The following KCNH5 variants were observed in gnomAD, a reference collection of about 807,000 sequenced individuals.
The protein encoded by KCNH5 is voltage-gated delayed rectifier potassium channel KCNH5.
In KCNH5, 46 loss-of-function variants were observed where a neutral mutation model predicts 96.1. That is an observed-to-expected ratio of 0.48 (90% CI 0.38 to 0.61). The LOEUF is 0.61. Among genes scored for constraint, KCNH5 ranks in the 20% least tolerant of loss-of-function variants. KCNH5 has a pLI of 0.00. For missense variants in KCNH5, 907 were observed against 1,225.8 expected, an observed-to-expected ratio of 0.74 and a Z score of 3.88; for synonymous variants, 439 against 449.8, an observed-to-expected ratio of 0.98 and a Z score of 0.30.
intron 1 of KCNH5, among the ~76,000 whole-genome samples, chr14:63,040,638 T>C (rs147815148): frequency 0.013 from 2,035 of 152,230 alleles, 51 homozygotes; most frequent in African/African-American, 0.047. Flanking sequence ...TAATGTCCAT[T>C]TGTTTTCCAT....
intron 10 of KCNH5, among the ~76,000 whole-genome samples, chr14:62,760,842 G>T (rs1020874686): frequency 3.9e-5 from 6 of 152,192 alleles, no homozygotes; most frequent in African/African-American, 1.4e-4. Flanking sequence ...TTGCAGCAAG[G>T]CAGATGTTAT....
chr14:62,945,351 C>T lies in KCNH5; in HGVS notation c.1369+4782G>A, dbSNP rs182326717. Among the ~76,000 whole-genome samples, 38 of 152,196 alleles carry T rather than the reference C, an allele frequency of 2.5e-4. No individual in the cohort carries two copies. The South Asian group carries it at 7.3e-3, about 29-fold the overall frequency. Reference sequence around the variant, plus strand: ...CTTACCAGGCCTTTCACAAAGGAATCGGGGTCAAAGCTCTAACACCCTGCA... The same window carrying T: ...CTTACCAGGCCTTTCACAAAGGAATTGGGGTCAAAGCTCTAACACCCTGCA... On this transcript the variant is annotated intron_variant, in intron 7 of 10. Coordinates refer to ENST00000322893, the MANE Select transcript of KCNH5 (RefSeq NM_139318.5).
chr14:62,867,731 C>T (rs1888162404), intron 7 of KCNH5, among the ~76,000 whole-genome samples: 1 of 152,142 alleles, frequency 6.6e-6, no homozygotes, highest in South Asian at 2.1e-4. Flanking sequence ...AAATTCATCT[C>T]TAACCCTCTC....
intron 1 of KCNH5, among the ~76,000 whole-genome samples, chr14:63,022,125 T>G (rs757186599): frequency 5.3e-5 from 8 of 152,206 alleles, no homozygotes; most frequent in Non-Finnish European, 1.0e-4. Context: ...GACTTTTTAC[T>G]CCTTCAAATT....
chr14:62,983,565 C>T (rs1452504082), intron 5 of KCNH5, among the ~76,000 whole-genome samples: 5 of 151,994 alleles, frequency 3.3e-5, no homozygotes, highest in African/African-American at 1.2e-4. Context: ...GTTGTGGGGC[C>T]CTGGACACTG....
chr14:62,871,264 T>C (rs1287050961), intron 7 of KCNH5, among the ~76,000 whole-genome samples: 3 of 152,160 alleles, frequency 2.0e-5, no homozygotes, highest in Non-Finnish European at 4.4e-5. Flanking sequence ...AGTTAAACAA[T>C]TTCTGTTCAG....
At chr14:62,906,157 T>C (rs1235561195) in intron 7 of KCNH5, among the ~76,000 whole-genome samples, 1 of 152,246 alleles carries the variant, frequency 6.6e-6, no homozygotes, top group African/African-American at 2.4e-5. Context: ...TATTAGGTGT[T>C]AGACACCATG....
intron 8 of KCNH5, among the ~76,000 whole-genome samples, chr14:62,813,181 G>GT (rs1293482347): frequency 2.0e-5 from 3 of 152,144 alleles, no homozygotes; most frequent in Non-Finnish European, 4.4e-5. Flanking sequence ...GTGTATGAGA[G>GT]TATGTTGCAT....
chr14:63,007,833 C>T (rs1891154838), intron 2 of KCNH5, among the ~76,000 whole-genome samples: 1 of 152,084 alleles, frequency 6.6e-6, no homozygotes, highest in Admixed American at 6.5e-5. Context: ...GAGGAACATA[C>T]AAAACATAGA....
chr14:62,744,744 ACC>A (rs1803126372), intron 10 of KCNH5, among the ~76,000 whole-genome samples: 1 of 152,172 alleles, frequency 6.6e-6, no homozygotes, highest in South Asian at 2.1e-4. Flanking sequence ...ACGGTCAGAA[ACC>A]ATGATTGTTC....
At chr14:62,831,435 G>A (rs922315686) in intron 8 of KCNH5, among the ~76,000 whole-genome samples, 1 of 152,126 alleles carries the variant, frequency 6.6e-6, no homozygotes, top group Admixed American at 6.6e-5. Flanking sequence ...GAAATCCAGA[G>A]GTAAGCACTG....
chr14:62,702,337 G>C lies in KCNH5; in HGVS notation c.*5171C>G, dbSNP rs575374604. ...CAAACATTTACATTCACATTATCGA[G>C]TGCAATTTTTAAGAATTATTTTAAG... On this transcript the variant is annotated 3_prime_UTR_variant, in exon 11 of 11. Transcript: ENST00000322893. 1 of 151,988 alleles carries C rather than the reference G, an allele frequency of 6.6e-6. No homozygotes were observed. Among genetic ancestry groups the C allele is most frequent in the Non-Finnish European group, 1.5e-5 (1 of 67,908 alleles). 9.4% of individuals were successfully genotyped at this position (151,988 alleles called of 1,614,324 possible).
chr14:62,893,974 T>G (rs1888761089), intron 7 of KCNH5, among the ~76,000 whole-genome samples: 1 of 152,194 alleles, frequency 6.6e-6, no homozygotes, highest in Non-Finnish European at 1.5e-5. Flanking sequence ...AGCAGCTATC[T>G]ACGTATGTTG....
intron 10 of KCNH5, among the ~76,000 whole-genome samples, chr14:62,718,092 A>G (rs1448189463): frequency 6.6e-6 from 1 of 152,140 alleles, no homozygotes; most frequent in Non-Finnish European, 1.5e-5. Flanking sequence ...AAAGACAGGA[A>G]CAACAGACAC....
At chr14:62,980,139 T>TAAACTTAC (rs1890579249) in intron 6 of KCNH5, among the ~76,000 whole-genome samples, 1 of 152,186 alleles carries the variant, frequency 6.6e-6, no homozygotes, top group Admixed American at 6.5e-5. Context: ...ACCAGGATTG[T>TAAACTTAC]AAGTTTCCTG....
At chr14:62,877,625 C>A (rs1178716890) in intron 7 of KCNH5, among the ~76,000 whole-genome samples, 2 of 152,230 alleles carry the variant, frequency 1.3e-5, no homozygotes, top group South Asian at 2.1e-4. Context: ...CAGAGAAATG[C>A]AAATCAAAAC....
chr14:62,761,955 C>T (rs1885760970), intron 10 of KCNH5, among the ~76,000 whole-genome samples: 1 of 152,162 alleles, frequency 6.6e-6, no homozygotes, highest in Non-Finnish European at 1.5e-5. Flanking sequence ...CACCAGTACT[C>T]ATTCTTGGCC....
chr14:62,782,734 C>T (rs1194827542), intron 9 of KCNH5, among the ~76,000 whole-genome samples: 1 of 151,998 alleles, frequency 6.6e-6, no homozygotes, highest in Non-Finnish European at 1.5e-5. Flanking sequence ...TGGCGTGAAC[C>T]CGGGAGGCAG....
intron 7 of KCNH5, among the ~76,000 whole-genome samples, chr14:62,887,399 C>G (rs566403012): frequency 6.6e-6 from 1 of 152,186 alleles, no homozygotes; most frequent in African/African-American, 2.4e-5. Flanking sequence ...AATTCAATGT[C>G]AGTATTTGAA....
Sources: gnomAD v4.1 joint callset for allele counts (sites outside exome capture counted in the v4.1 genomes callset) on GRCh38, gnomAD v4.1.1 for gene constraint, MANE v1.5 for transcripts, NCBI Gene and HGNC (gene_info 2026-07-23, HGNC 2026-07-21) for gene names.